MAP1A: variants seen among roughly 807,000 people sequenced by gnomAD.
The protein encoded by MAP1A is microtubule-associated protein 1A.
MAP1A carries 42 observed loss-of-function variants against 185.9 expected under a neutral mutation model. That is an observed-to-expected ratio of 0.23 (90% CI 0.18 to 0.29). The LOEUF (loss-of-function observed/expected upper bound fraction) is 0.29. Among genes scored for constraint, MAP1A ranks in the 10% least tolerant of loss-of-function variants. MAP1A has a pLI of 1.00. For missense variants in MAP1A, 2,995 were observed against 3,450.4 expected (o/e 0.87, Z 3.31); for synonymous variants, 1,229 against 1,335.9 (o/e 0.92, Z 1.74).
At chr15:43,517,532 C>A (rs1432051367), upstream of MAP1A, 3 of 199,784 alleles carry the variant, frequency 1.5e-5, no homozygotes, top group Non-Finnish European at 2.7e-5. Flanking sequence ...TGCCTCGTCA[C>A]GGACCAGCCC....
chr15:43,513,545 A>G (rs183838901), upstream of MAP1A, among the ~76,000 whole-genome samples: 291 of 152,314 alleles, frequency 1.9e-3, no homozygotes, highest in African/African-American at 6.7e-3. Context: ...CACTGCTCCT[A>G]ACTGCCAAAT....
upstream of MAP1A, among the ~76,000 whole-genome samples, chr15:43,514,512 T>C (rs532364969): frequency 6.6e-6 from 1 of 152,304 alleles, no homozygotes; most frequent in South Asian, 2.1e-4. Context: ...TGGGCCACCA[T>C]TCCTATCACC....
In MAP1A at chr15:43,528,206, T is replaced by C; in HGVS notation, c.6733T>C (p.Ser2245Pro). The part of the protein sequence containing the change: ...SPSSPGAPLL[S>P]NLPRPASPAL... Reference sequence around the variant, plus strand: ...CAGTTCTCCTGGGGCCCCTCTCCTCTCCAATCTGCCACGACCTGCCTCACC... The same window carrying C: ...CAGTTCTCCTGGGGCCCCTCTCCTCCCCAATCTGCCACGACCTGCCTCACC... The change falls in exon 4 of 6, where the codon TCC (serine) becomes CCC (proline). Residue 2245 changes from serine to proline, a missense_variant. Coordinates refer to ENST00000300231, the MANE Select transcript of MAP1A (RefSeq NM_002373.6). 1 of 1,613,888 alleles carries C rather than the reference T, an allele frequency of 6.2e-7. No individual in the cohort carries two copies. The highest frequency in any genetic ancestry group is 8.5e-7 in the Non-Finnish European group (1 of 1,179,976).
chr15:43,527,097 C>T lies in MAP1A; in HGVS notation c.5624C>T (p.Pro1875Leu). 6.3e-7 allele frequency: 1 copy of T among 1,595,610 alleles called. No homozygotes were observed. The highest frequency in any genetic ancestry group is 1.3e-5 in the African/African-American group (1 of 74,812). Residue 1875 changes from proline to leucine, a missense_variant, in exon 4 of 6, where the codon CCC (proline) becomes CTC (leucine). Around this residue, in one of 3 missense-constraint regions of MAP1A, gnomAD observed 2,728 missense variants for 2,986.0 expected, o/e 0.91. Coordinates refer to ENST00000300231, the MANE Select transcript of MAP1A (RefSeq NM_002373.6). ...TPAPESHTPA[P>L]FSWGTAEYDS... ...GCCCCGGAATCCCATACTCCTGCAC[C>T]CTTCTCTTGGGGCACAGCCGAGTAT...
intron 2 of MAP1A, among the ~76,000 whole-genome samples, chr15:43,512,546 T>C (rs2079285960): frequency 6.6e-6 from 1 of 152,232 alleles, no homozygotes; most frequent in Non-Finnish European, 1.5e-5. Context: ...GCTGTTGACA[T>C]GCACTAAAGA....
In MAP1A at chr15:43,525,061, A is replaced by C. The variant is rs778559233; in HGVS notation, c.3588A>C (p.Ser1196=). 8.7e-6 allele frequency: 14 copies of C among 1,614,096 alleles called. No homozygotes were observed. Among genetic ancestry groups the C allele is most frequent in the Middle Eastern group, 1.6e-4 (1 of 6,084 alleles). The change falls in exon 4 of 6, where the codon TCA becomes TCC. Residue 1196 remains serine (S), a synonymous_variant. Coordinates refer to ENST00000300231, the MANE Select transcript of MAP1A (RefSeq NM_002373.6). Reference sequence around the variant, plus strand: ...AGGTATCTCCAGAAGACACCCAGTCACTTTCTCTGTCAGAAGAGAGTCCCA... The same window carrying C: ...AGGTATCTCCAGAAGACACCCAGTCCCTTTCTCTGTCAGAAGAGAGTCCCA... The part of the protein sequence containing the change: ...WPEVSPEDTQ[S]LSLSEESPSK...
chr15:43,527,660 C>G lies in MAP1A; in HGVS notation c.6187C>G (p.Pro2063Ala), dbSNP rs201907047. The change falls in exon 4 of 6, where the codon CCC becomes GCC. Residue 2063 changes from proline (P) to alanine (A), a missense_variant. Pro to Ala is a conservative substitution (Grantham distance 27). Coordinates refer to ENST00000300231, the MANE Select transcript of MAP1A (RefSeq NM_002373.6). Reference sequence around the variant, plus strand: ...GCCCAGCCTCACCCCACCTGCAGTTCCCCCCCGTGCTCCTATCCTGAGCAA... The same window carrying G: ...GCCCAGCCTCACCCCACCTGCAGTTGCCCCCCGTGCTCCTATCCTGAGCAA... ...MEPSLTPPAV[P>A]PRAPILSKGP... The G allele has an allele frequency of 2.3e-4, 359 of 1,548,412 alleles. No homozygotes were observed. Among genetic ancestry groups the G allele is most frequent in the Non-Finnish European group, 1.3e-5 (15 of 1,133,064 alleles).
rs754589379 is a variant in MAP1A, at chr15:43,525,321, G to A, written c.3848G>A (p.Ser1283Asn). Reference protein sequence around the residue: ...YSAQTDITDDSLDRKSPASSF... With the variant: ...YSAQTDITDDNLDRKSPASSF... ...GCACAGACAGACATCACAGATGACA[G>A]CCTTGACAGGAAGTCACCTGCCAGC... is the stretch of plus-strand genomic sequence containing the variant. Residue 1283 changes from serine to asparagine, a missense_variant, in exon 4 of 6, where the codon AGC (serine) becomes AAC (asparagine). Ser to Asn is a conservative substitution (Grantham distance 46). Coordinates refer to ENST00000300231, the MANE Select transcript of MAP1A (RefSeq NM_002373.6). The A allele has an allele frequency of 1.2e-6, 2 of 1,614,104 alleles. No individual in the cohort carries two copies. Among genetic ancestry groups the A allele is most frequent in the Non-Finnish European group, 1.7e-6 (2 of 1,179,998 alleles).
Position 43,530,197 on chromosome 15 carries a change from C to G in MAP1A, c.8385C>G (p.Ser2795=). 6.2e-7 allele frequency: 1 copy of G among 1,614,160 alleles called. No homozygotes were observed. The highest frequency in any genetic ancestry group is 8.5e-7 in the Non-Finnish European group (1 of 1,180,018). The part of the protein sequence containing the change: ...SSSTVVMQDE[S]FPACKIEF ...GCACCGTGGTGATGCAGGATGAGTC[C>G]TTCCCTGCCTGCAAGATTGAGTTCT... is the stretch of plus-strand genomic sequence containing the variant. Residue 2795 remains serine (S), a synonymous_variant, in exon 6 of 6, where the codon TCC becomes TCG. Coordinates refer to ENST00000300231, the MANE Select transcript of MAP1A (RefSeq NM_002373.6).
Position 43,526,913 on chromosome 15 carries a change from C to T in MAP1A, c.5440C>T (p.Pro1814Ser), listed in dbSNP as rs781247851. ...GGTTGGACAAAGGGTTCCTTCAGCCCCAGGACAAGAGAGTCCTATCCCAGA... is the reference window on the plus strand; with the variant it reads ...GGTTGGACAAAGGGTTCCTTCAGCCTCAGGACAAGAGAGTCCTATCCCAGA... The part of the protein sequence containing the change: ...EMVGQRVPSA[P>S]GQESPIPDPK... The change falls in exon 4 of 6, where the codon CCA becomes TCA. Residue 1814 changes from proline (P) to serine (S), a missense_variant. By Grantham distance (74) the Pro-to-Ser change is moderately conservative. This residue lies in a region of MAP1A where 2,728 missense variants were observed against 2,986.0 expected (regional missense o/e 0.91). Transcript: ENST00000300231. The surrounding 1 kb of genome is among the most constrained non-coding windows in gnomAD (Gnocchi z 4.7). 5 of 1,613,978 alleles carry T rather than the reference C, an allele frequency of 3.1e-6. No individual in the cohort carries two copies. The highest frequency in any genetic ancestry group is 1.1e-5 in the South Asian group (1 of 91,088).
At chr15:43,513,316 A>T (rs2079288528), upstream of MAP1A, among the ~76,000 whole-genome samples, 1 of 151,332 alleles carries the variant, frequency 6.6e-6, no homozygotes, top group Non-Finnish European at 1.5e-5. Flanking sequence ...AACAAAAGTG[A>T]AACTCCATCT....
At position 43,522,378 on chromosome 15, in the gene MAP1A, G is replaced by A. The variant is rs1275330174; in HGVS notation, c.905G>A (p.Gly302Glu). The change falls in exon 4 of 6, where the codon GGG becomes GAG. Residue 302 changes from glycine to glutamate, a missense_variant. Around this residue, in one of 3 missense-constraint regions of MAP1A, gnomAD observed 264 missense variants for 435.3 expected, o/e 0.61. Coordinates refer to ENST00000300231, the MANE Select transcript of MAP1A (RefSeq NM_002373.6). The surrounding 1 kb of genome is among the most constrained non-coding windows in gnomAD (Gnocchi z 5.9). ...PVATQKDLAS[G>E]AVPTNLKPSK... ...GCCACGCAGAAGGACCTGGCTTCTG[G>A]GGCTGTGCCTACCAACCTCAAGCCC... 1 of 1,614,142 alleles carries A rather than the reference G, an allele frequency of 6.2e-7. No individual in the cohort carries two copies. The highest frequency in any genetic ancestry group is 8.5e-7 in the Non-Finnish European group (1 of 1,180,034).
At position 43,530,203 on chromosome 15, in the gene MAP1A, T is replaced by C. The variant is rs1259394050; in HGVS notation, c.8391T>C (p.Pro2797=). 2 of 1,614,102 alleles carry C rather than the reference T, an allele frequency of 1.2e-6. No individual in the cohort carries two copies. The highest frequency in any genetic ancestry group is 3.3e-5 in the Admixed American group (2 of 59,992). ...STVVMQDESF[P]ACKIEF is the part of the protein sequence containing the mutation. ...TGGTGATGCAGGATGAGTCCTTCCC[T>C]GCCTGCAAGATTGAGTTCTGAAAGA... Residue 2797 remains proline (P), a synonymous_variant, in exon 6 of 6, where the codon CCT becomes CCC. Coordinates refer to ENST00000300231, the MANE Select transcript of MAP1A (RefSeq NM_002373.6).
In MAP1A at chr15:43,529,893, G is replaced by T. The variant is rs1297979693; in HGVS notation, c.8256+23G>T. 1.2e-6 allele frequency: 2 copies of T among 1,607,372 alleles called. No homozygotes were observed. Among genetic ancestry groups the T allele is most frequent in the Non-Finnish European group, 1.7e-6 (2 of 1,176,550 alleles). On this transcript the variant is annotated intron_variant, in intron 5 of 5. Coordinates refer to ENST00000300231, the MANE Select transcript of MAP1A (RefSeq NM_002373.6). The surrounding 1 kb of genome is among the most constrained non-coding windows in gnomAD (Gnocchi z 4.3). ...CAGGTGAGTAGCAAAGGACACCAAGGAAGTAGTCTGGTCAACGCTCACTCA... is the reference window on the plus strand; with the variant it reads ...CAGGTGAGTAGCAAAGGACACCAAGTAAGTAGTCTGGTCAACGCTCACTCA...
upstream of MAP1A, among the ~76,000 whole-genome samples, chr15:43,513,150 A>C (rs1167225940): frequency 6.6e-6 from 1 of 152,000 alleles, no homozygotes; most frequent in East Asian, 1.9e-4. Context: ...CCAACGGAGA[A>C]ACCCCGCCTC....
chr15:43,517,707 A>G lies in MAP1A; in HGVS notation c.-375+7A>G, dbSNP rs1165748525. 2 of 977,218 alleles carry G rather than the reference A, an allele frequency of 2.0e-6. No individual in the cohort carries two copies. Among genetic ancestry groups the G allele is most frequent in the Admixed American group, 1.2e-4 (2 of 16,266 alleles). The allele number at this position is 977,218 out of a possible 1,614,324, so 60.5% of individuals were successfully genotyped here. A position where few individuals can be genotyped will look rare whatever the true frequency, so the allele number is the denominator to read the frequency against. On this transcript the variant is annotated splice_region_variant and intron_variant, in intron 1 of 5. Transcript: ENST00000300231. ...CTTCCTCCTACACCCCAGGGTAAGA[A>G]CCGAACCAAAGGGCTTGGCATGTGG...
exon 1 of MAP1A, chr15:43,510,976 C>A: frequency 1.3e-6 from 2 of 1,522,784 alleles, no homozygotes; most frequent in Non-Finnish European, 1.8e-6. Flanking sequence ...ACTAACACTC[C>A]GCGGGTGTTT....
chr15:43,517,891 A>G (rs2079304179), intron 1 of MAP1A, among the ~76,000 whole-genome samples, 191 bp downstream of exon 1: 1 of 152,182 alleles, frequency 6.6e-6, no homozygotes. Context: ...ACCCAGAACC[A>G]GAGGCCACCA....
Position 43,527,702 on chromosome 15 carries a change from C to T in MAP1A, c.6229C>T (p.Leu2077Phe), listed in dbSNP as rs754215439. 9 of 1,613,002 alleles carry T rather than the reference C, an allele frequency of 5.6e-6. No individual in the cohort carries two copies. In the Admixed American group the frequency reaches 1.0e-4, roughly 18 times the overall value. ...PILSKGPSPP[L>F]NGNILSCSPD... ...CCTGAGCAAAGGCCCAAGCCCCCCT[C>T]TTAATGGTAACATCCTGAGCTGCAG... The change falls in exon 4 of 6, where the codon CTT (leucine) becomes TTT (phenylalanine). Residue 2077 changes from leucine (L) to phenylalanine (F), a missense_variant. By Grantham distance (22) the Leu-to-Phe change is conservative. Coordinates refer to ENST00000300231, the MANE Select transcript of MAP1A (RefSeq NM_002373.6).
Sources: allele counts gnomAD v4.1 joint callset (sites outside exome capture counted in the v4.1 genomes callset), GRCh38; gene constraint gnomAD v4.1.1; regional missense constraint gnomAD v4.1.1; non-coding constraint Gnocchi (gnomAD v3.1); transcripts MANE v1.5; gene names NCBI Gene and HGNC (gene_info 2026-07-23, HGNC 2026-07-21).